Variants in NID1 observed in about 807,000 individuals in gnomAD.
The protein encoded by NID1 is nidogen 1, also known as nidogen-1.
In NID1, 76 loss-of-function variants were observed where a neutral mutation model predicts 130.6. The ratio of observed to expected loss-of-function variants is 0.58; its 90% confidence interval spans 0.48 to 0.70. The LOEUF is 0.70. Ranked by LOEUF, NID1 falls within the 30% of genes least tolerant of loss-of-function variation. The pLI is 0.00. For missense variants in NID1, 1,517 were observed against 1,664.8 expected, an observed-to-expected ratio of 0.91 and a Z score of 1.54; for synonymous variants, 665 against 675.1, an observed-to-expected ratio of 0.98 and a Z score of 0.23.
intron 2 of NID1, among the ~76,000 whole-genome samples, chr1:236,046,607 A>T (rs533263113): frequency 4.0e-5 from 6 of 148,384 alleles, no homozygotes; most frequent in Admixed American, 6.7e-5. Context: ...TACTGCGGAT[A>T]AAAAAAAAAG....
chr1:236,048,747 A>G lies in NID1; in HGVS notation c.468T>C (p.Thr156=), dbSNP rs1315461486. ...SFQPSSAVVV[T]WESVAPYQGP... ...CTTGGTAGGGGGCCACGGATTCCCA[A>G]GTGACAACCACCGCGCTACTAGGCT... Residue 156 remains threonine (T), a synonymous_variant, in exon 2 of 20, where the codon ACT becomes ACC. Transcript: ENST00000264187. 6.2e-7 allele frequency: 1 copy of G among 1,613,094 alleles called. No individual in the cohort carries two copies. Among genetic ancestry groups the G allele is most frequent in the Non-Finnish European group, 8.5e-7 (1 of 1,180,026 alleles).
intron 1 of NID1, among the ~76,000 whole-genome samples, chr1:236,049,225 G>A (rs566824220): frequency 6.6e-6 from 1 of 152,154 alleles, no homozygotes; most frequent in Non-Finnish European, 1.5e-5. Flanking sequence ...CTCGAAAAAG[G>A]GAGTAATCAC....
At chr1:236,005,300 A>G (rs1038985060) in intron 12 of NID1, among the ~76,000 whole-genome samples, 2 of 152,028 alleles carry the variant, frequency 1.3e-5, no homozygotes, top group Non-Finnish European at 2.9e-5. Context: ...ATTTTTGAAG[A>G]TGCAAGAGTG....
chr1:236,040,199 G>C (rs1016137719), intron 4 of NID1, among the ~76,000 whole-genome samples: 1 of 152,112 alleles, frequency 6.6e-6, no homozygotes, highest in African/African-American at 2.4e-5. Flanking sequence ...CAACACATCT[G>C]GGGGAGATGA....
intron 1 of NID1, among the ~76,000 whole-genome samples, chr1:236,056,896 A>C (rs1246078354): frequency 2.7e-5 from 4 of 150,628 alleles, no homozygotes; most frequent in Non-Finnish European, 5.9e-5. Context: ...TCCAGGAAAA[A>C]AAAAAACAAA....
At chr1:236,064,699 C>T in intron 1 of NID1, 156 bp downstream of exon 1, 1 of 692,118 alleles carries the variant, frequency 1.4e-6, no homozygotes, top group South Asian at 1.6e-5. Flanking sequence ...CCTTCGCGGA[C>T]CCTGCAGAGG....
intron 9 of NID1, among the ~76,000 whole-genome samples, chr1:236,021,631 T>C (rs10754833): frequency 0.6 from 91,001 of 151,894 alleles, 28,360 homozygotes; most frequent in East Asian, 0.76. Flanking sequence ...CTTATATCTC[T>C]GTCAAGCAGG....
chr1:236,014,912 CA>C (rs1402269765), intron 10 of NID1, among the ~76,000 whole-genome samples: 3 of 152,334 alleles, frequency 2.0e-5, no homozygotes, highest in Admixed American at 2.0e-4. Context: ...ATGTTTTGCA[CA>C]TTTCAATTAA....
intron 2 of NID1, among the ~76,000 whole-genome samples, chr1:236,047,659 T>C (rs555207952): frequency 1.3e-5 from 2 of 152,286 alleles, no homozygotes; most frequent in South Asian, 4.1e-4. Context: ...GCTTTACCTT[T>C]CTATCTTTGC....
chr1:235,978,038 A>G, intron 19 of NID1, 50 bp from the exon 20 acceptor site: 2 of 1,596,900 alleles, frequency 1.3e-6, no homozygotes, highest in African/African-American at 2.7e-5. Flanking sequence ...ATCTGACTCC[A>G]TAGCCATTTA....
At chr1:235,999,348 G>A (rs1658013770) in intron 12 of NID1, among the ~76,000 whole-genome samples, 1 of 152,076 alleles carries the variant, frequency 6.6e-6, no homozygotes, top group Admixed American at 6.5e-5. Context: ...ACTGTATCTT[G>A]AACTTGTAAA....
At chr1:235,983,191 T>C (rs937586300) in intron 15 of NID1, among the ~76,000 whole-genome samples, 3 of 152,144 alleles carry the variant, frequency 2.0e-5, no homozygotes, top group African/African-American at 7.2e-5. Context: ...TGTGTTCTTC[T>C]GTGGACATAC....
intron 16 of NID1, 64 bp from the exon 17 acceptor site, chr1:235,980,717 T>C (rs1258549312): frequency 1.3e-6 from 2 of 1,519,498 alleles, no homozygotes; most frequent in East Asian, 2.3e-5. Flanking sequence ...AAAAAGTTTA[T>C]GAAAAACACT....
intron 5 of NID1, 129 bp downstream of exon 5, chr1:236,037,975 T>A: frequency 9.3e-7 from 1 of 1,078,652 alleles, no homozygotes; most frequent in Middle Eastern, 2.1e-4. Context: ...AGAGACCATG[T>A]ATGGCTGCCA....
At chr1:236,013,614 C>T in intron 10 of NID1, 54 bp from the exon 11 acceptor site, 2 of 1,605,926 alleles carry the variant, frequency 1.2e-6, no homozygotes, top group Non-Finnish European at 1.7e-6. Context: ...CCTGAGCAGG[C>T]CACATGCCCC....
Position 236,013,461 on chromosome 1 carries a change from T to TAGG in NID1, c.2351_2353dup (p.Ser784dup). The stretch of plus-strand genomic sequence containing the variant: ...AAAGCCTGGCAAGCAGGAACAGGTG[T>TAGG]AGGAGGAGCCTCCTGTGTAGATACA... On this transcript the variant is annotated inframe_insertion, in exon 11 of 20. Coordinates refer to ENST00000264187, the MANE Select transcript of NID1 (RefSeq NM_002508.3). 1 of 1,613,802 alleles carries TAGG rather than the reference T, an allele frequency of 6.2e-7. No homozygotes were observed. The highest frequency in any genetic ancestry group is 8.5e-7 in the Non-Finnish European group (1 of 1,179,766).
intron 12 of NID1, among the ~76,000 whole-genome samples, chr1:235,999,981 A>G (rs1572586432): frequency 6.6e-6 from 1 of 152,166 alleles, no homozygotes; most frequent in Non-Finnish European, 1.5e-5. Context: ...TGGGAGGCTG[A>G]GGCGGGTGGA....
At chr1:236,040,736 T>C (rs1204785368) in intron 4 of NID1, among the ~76,000 whole-genome samples, 2 of 151,754 alleles carry the variant, frequency 1.3e-5, no homozygotes, top group Non-Finnish European at 2.9e-5. Flanking sequence ...CGATCTCGGC[T>C]CACTGCAACC....
chr1:236,000,022 T>C (rs1346063518), intron 12 of NID1, among the ~76,000 whole-genome samples: 1 of 152,148 alleles, frequency 6.6e-6, no homozygotes, highest in Admixed American at 6.5e-5. Context: ...GAGACCAGCC[T>C]GGCCAATGTG....
Sources: allele counts gnomAD v4.1 joint callset (sites outside exome capture counted in the v4.1 genomes callset), GRCh38; gene constraint gnomAD v4.1.1; transcripts MANE v1.5; gene names NCBI Gene and HGNC (gene_info 2026-07-23, HGNC 2026-07-21).